The following PTPRM variants were observed in gnomAD, a reference collection of about 807,000 sequenced individuals.
PTPRM encodes receptor-type tyrosine-protein phosphatase mu.
Under a neutral mutation model 186.7 loss-of-function variants are expected in PTPRM, and 47 were observed. The observed-to-expected ratio is 0.25, with a 90% CI of 0.20 to 0.32. PTPRM has a LOEUF of 0.32. Among genes scored for constraint, PTPRM ranks in the 10% least tolerant of loss-of-function variants. The pLI, the probability that PTPRM is intolerant of heterozygous loss-of-function variation, is 1.00. For synonymous variants in PTPRM, 668 were observed against 674.9 expected (o/e 0.99, Z 0.16); for missense variants, 1,494 against 1,865.0 (o/e 0.80, Z 3.66).
rs527825027 is a variant in PTPRM at position 8,193,478 on chromosome 18, T to C, written c.2300+49699T>C. Reference sequence around the variant, plus strand: ...AACTCCCAAAGCCCTTTAAAAAATATGATTAAATGACAGCATAAGGGTTTT... The same window carrying C: ...AACTCCCAAAGCCCTTTAAAAAATACGATTAAATGACAGCATAAGGGTTTT... On this transcript the variant is annotated intron_variant, in intron 14 of 32. Coordinates refer to ENST00000580170, the MANE Select transcript of PTPRM (RefSeq NM_001105244.2). Among the ~76,000 whole-genome samples, 78 of 106,268 alleles carry C rather than the reference T, an allele frequency of 7.3e-4. No homozygotes were observed. The East Asian group carries it at 0.042, about 57-fold the overall frequency. 69.7% of individuals were successfully genotyped at this position (106,268 alleles called of 152,430 possible). A position where few individuals can be genotyped will look rare whatever the true frequency, so the allele number is the denominator to read the frequency against.
rs183682148 is a variant in PTPRM, at chr18:8,161,165, T to A, written c.2300+17386T>A. Among the ~76,000 whole-genome samples, 57 of 152,312 alleles carry A rather than the reference T, an allele frequency of 3.7e-4. No homozygotes were observed. In the Middle Eastern group the frequency reaches 0.01, roughly 27 times the overall value. On this transcript the variant is annotated intron_variant, in intron 14 of 32. Transcript: ENST00000580170. Reference sequence around the variant, plus strand: ...GGTGACATAGCATTCACTGAAAATATTAACTTGGAAGCTGTCATGCAGGAG... The same window carrying A: ...GGTGACATAGCATTCACTGAAAATAATAACTTGGAAGCTGTCATGCAGGAG...
At chr18:7,747,511 G>T (rs1188148645) in intron 1 of PTPRM, 1 of 152,370 alleles carries the variant, frequency 6.6e-6, no homozygotes, top group Non-Finnish European at 1.5e-5. Flanking sequence ...TGGCAGACTT[G>T]GTTCCTTTGG....
Position 7,752,517 on chromosome 18 carries a change from G to A in PTPRM, c.74-21632G>A, listed in dbSNP as rs2041267173. 3.9e-5 allele frequency among the ~76,000 whole-genome samples: 6 copies of A among 151,974 alleles called. No homozygotes were observed. The South Asian group carries it at 6.2e-4, about 16-fold the overall frequency. ...CGGCTCACTGCAACCTCTGCTTTCC[G>A]GGTTCAAGTGATTCTCCTTCCTCAG... On this transcript the variant is annotated intron_variant, in intron 1 of 32. Coordinates refer to ENST00000580170, the MANE Select transcript of PTPRM (RefSeq NM_001105244.2).
At chr18:8,209,041 A>G (rs537163303) in intron 14 of PTPRM, among the ~76,000 whole-genome samples, 27 of 152,298 alleles carry the variant, frequency 1.8e-4, no homozygotes, top group African/African-American at 6.3e-4. Flanking sequence ...GAAGTCAGAT[A>G]GGGCATAGGG....
chr18:8,073,419 C>T (rs999573784), intron 8 of PTPRM, among the ~76,000 whole-genome samples: 1 of 152,182 alleles, frequency 6.6e-6, no homozygotes, highest in Non-Finnish European at 1.5e-5. Context: ...TCAGGCATGG[C>T]CTGTTTTAGT....
At chr18:8,162,680 G>C (rs1435016217) in intron 14 of PTPRM, among the ~76,000 whole-genome samples, 16 of 152,202 alleles carry the variant, frequency 1.1e-4, no homozygotes, top group Admixed American at 1.0e-3. Context: ...ATTTCTTTAT[G>C]TACCCTTTTA....
chr18:8,333,425 C>G (rs758419055), intron 22 of PTPRM, among the ~76,000 whole-genome samples: 2 of 152,152 alleles, frequency 1.3e-5, no homozygotes, highest in Admixed American at 6.5e-5. Flanking sequence ...CCGTTTACAT[C>G]TCACTACTGT....
At chr18:8,213,584 T>C (rs2094036759) in intron 14 of PTPRM, among the ~76,000 whole-genome samples, 1 of 152,076 alleles carries the variant, frequency 6.6e-6, no homozygotes, top group African/African-American at 2.4e-5. Flanking sequence ...GTGGTGACAG[T>C]TGGTGGAATG....
In PTPRM at chr18:7,673,958, G is replaced by A. The variant is rs201358287; in HGVS notation, c.74-100191G>A. 1.3e-4 allele frequency among the ~76,000 whole-genome samples: 20 copies of A among 152,264 alleles called. No individual in the cohort carries two copies. The East Asian group carries it at 2.1e-3, about 16-fold the overall frequency. On this transcript the variant is annotated intron_variant, in intron 1 of 32. Coordinates refer to ENST00000580170, the MANE Select transcript of PTPRM (RefSeq NM_001105244.2). ...GTAGAGCAGAGTGGAGGTGAGGAAG[G>A]GGAGAAGAGTACACGCAGCTCTTCT...
chr18:7,876,812 G>A (rs749240048), intron 2 of PTPRM, among the ~76,000 whole-genome samples: 3 of 152,076 alleles, frequency 2.0e-5, no homozygotes, highest in African/African-American at 7.2e-5. Flanking sequence ...TCTAACTAAT[G>A]TGCTGCCCCT....
At chr18:7,713,466 G>A (rs576326064) in intron 1 of PTPRM, among the ~76,000 whole-genome samples, 12 of 151,956 alleles carry the variant, frequency 7.9e-5, no homozygotes, top group Non-Finnish European at 1.3e-4. Flanking sequence ...ATCAACTAAC[G>A]GGCAAAATAA....
intron 1 of PTPRM, among the ~76,000 whole-genome samples, chr18:7,646,926 G>T (rs557668913): frequency 6.6e-6 from 1 of 152,214 alleles, no homozygotes; most frequent in African/African-American, 2.4e-5. Context: ...GGAGGTGGGG[G>T]ATGGTTGGAG....
intron 1 of PTPRM, among the ~76,000 whole-genome samples, chr18:7,577,733 G>A (rs2036725565): frequency 6.6e-6 from 1 of 152,170 alleles, no homozygotes; most frequent in South Asian, 2.1e-4. Flanking sequence ...TTTCCACCAT[G>A]AGTTCAGGTC....
At chr18:7,995,234 A>G (rs2083471361) in intron 7 of PTPRM, among the ~76,000 whole-genome samples, 1 of 152,170 alleles carries the variant, frequency 6.6e-6, no homozygotes. Context: ...AGGAAGAAAT[A>G]GAAAACCTGT....
At chr18:8,043,662 C>T (rs982316990) in intron 7 of PTPRM, among the ~76,000 whole-genome samples, 9 of 152,064 alleles carry the variant, frequency 5.9e-5, no homozygotes, top group African/African-American at 1.9e-4. Flanking sequence ...ACCTCCCCAA[C>T]CCTCTTCCCT....
At chr18:8,050,345 C>T (rs1356231905) in intron 7 of PTPRM, among the ~76,000 whole-genome samples, 1 of 152,126 alleles carries the variant, frequency 6.6e-6, no homozygotes, top group Non-Finnish European at 1.5e-5. Flanking sequence ...ACTGTCACAT[C>T]AGGAAGGCAT....
At chr18:7,946,262 C>A (rs1034953541) in intron 5 of PTPRM, among the ~76,000 whole-genome samples, 2 of 152,144 alleles carry the variant, frequency 1.3e-5, no homozygotes, top group Non-Finnish European at 2.9e-5. Context: ...AATAAACATT[C>A]TTTTGATAGA....
intron 1 of PTPRM, among the ~76,000 whole-genome samples, chr18:7,758,087 G>T (rs962353202): frequency 6.6e-6 from 1 of 152,108 alleles, no homozygotes; most frequent in Non-Finnish European, 1.5e-5. Flanking sequence ...TCTAGAACGG[G>T]ACTCAATATT....
At chr18:7,773,854 A>G (rs1452094890) in intron 1 of PTPRM, among the ~76,000 whole-genome samples, 1 of 152,140 alleles carries the variant, frequency 6.6e-6, no homozygotes, top group Non-Finnish European at 1.5e-5. Flanking sequence ...TGCTGGTATT[A>G]CAGGCATGAG....
Sources: gnomAD v4.1 joint callset for allele counts (sites outside exome capture counted in the v4.1 genomes callset) on GRCh38, gnomAD v4.1.1 for gene constraint, MANE v1.5 for transcripts, NCBI Gene and HGNC (gene_info 2026-07-23, HGNC 2026-07-21) for gene names.